Variants in ZC2HC1B observed in about 807,000 individuals in gnomAD.
ZC2HC1B encodes the protein zinc finger C2HC-type containing 1B, also known as zinc finger C2HC domain-containing protein 1B.
ZC2HC1B carries 36 observed loss-of-function variants against 31.0 expected under a neutral mutation model. That is an observed-to-expected ratio of 1.16 (90% CI 0.89 to 1.54). The LOEUF (loss-of-function observed/expected upper bound fraction) is 1.54. ZC2HC1B is among the 40% of genes most tolerant of loss of function. The pLI, the probability that ZC2HC1B is intolerant of heterozygous loss-of-function variation, is 0.00. For synonymous variants in ZC2HC1B, 73 were observed against 88.0 expected, an observed-to-expected ratio of 0.83 and a Z score of 0.95; for missense variants, 260 against 268.6, an observed-to-expected ratio of 0.97 and a Z score of 0.22.
intron 6 of ZC2HC1B, among the ~76,000 whole-genome samples, chr6:143,927,090 G>A (rs1338841874): frequency 2.0e-5 from 3 of 151,946 alleles, no homozygotes; most frequent in Non-Finnish European, 4.4e-5. Context: ...GAGCCACCGC[G>A]CCCGGCCCGA....
At chr6:143,893,528 A>ATG (rs1023148728) in intron 4 of ZC2HC1B, among the ~76,000 whole-genome samples, 6 of 151,990 alleles carry the variant, frequency 3.9e-5, no homozygotes, top group Non-Finnish European at 5.9e-5. Context: ...GATTGTGCTA[A>ATG]TGCGCTCCAG....
chr6:143,890,371 T>C (rs1777585143), intron 4 of ZC2HC1B, among the ~76,000 whole-genome samples: 1 of 147,496 alleles, frequency 6.8e-6, no homozygotes, highest in Admixed American at 6.8e-5. Flanking sequence ...AAAGTGTAAT[T>C]CCTTACATGT....
Position 143,868,318 on chromosome 6 carries a change from C to T in ZC2HC1B, c.28+3751C>T, listed in dbSNP as rs189971840. Among the ~76,000 whole-genome samples the T allele has an allele frequency of 2.0e-4, 30 of 152,232 alleles. No individual in the cohort carries two copies. In the East Asian group the frequency reaches 5.4e-3, roughly 27 times the overall value. ...GTATTAACTCACAATCACAAGGTCC[C>T]ACAATAGGCCGTCTGCAAGCTGAGG... On this transcript the variant is annotated intron_variant, in intron 1 of 7. Coordinates refer to ENST00000237275, the MANE Select transcript of ZC2HC1B (RefSeq NM_001013623.3). This position sits in a 1 kb window ranked among gnomAD's most constrained non-coding sequence, Gnocchi z 4.2.
At chr6:143,931,681 T>G (rs1276685881) in intron 6 of ZC2HC1B, among the ~76,000 whole-genome samples, 1 of 152,154 alleles carries the variant, frequency 6.6e-6, no homozygotes, top group Non-Finnish European at 1.5e-5. Context: ...TTATAGGGTT[T>G]CTGCTGAAAA....
In ZC2HC1B at chr6:143,933,627, C is replaced by T. The variant is rs190056710; in HGVS notation, c.599-4022C>T. On this transcript the variant is annotated intron_variant, in intron 6 of 7. Transcript: ENST00000237275. This position sits in a 1 kb window ranked among gnomAD's most constrained non-coding sequence, Gnocchi z 6.4. Reference sequence around the variant, plus strand: ...GTGGGCGAAAGCTGGTAGCAACAGGCCTCACCCAGCTCCCACACAGTTGGC... The same window carrying T: ...GTGGGCGAAAGCTGGTAGCAACAGGTCTCACCCAGCTCCCACACAGTTGGC... Among the ~76,000 whole-genome samples, 1 of 152,194 alleles carries T rather than the reference C, an allele frequency of 6.6e-6. No individual in the cohort carries two copies. The highest frequency in any genetic ancestry group is 1.9e-4 in the East Asian group (1 of 5,168).
In ZC2HC1B at chr6:143,903,268, G is replaced by A; in HGVS notation, c.598+116G>A. 2.3e-6 allele frequency: 2 copies of A among 886,242 alleles called. No homozygotes were observed. The highest frequency in any genetic ancestry group is 3.5e-6 in the Non-Finnish European group (2 of 565,940). The allele number at this position is 886,242 out of a possible 1,614,324, so 54.9% of individuals were successfully genotyped here. A position where few individuals can be genotyped will look rare whatever the true frequency, so the allele number is the denominator to read the frequency against. The stretch of plus-strand genomic sequence containing the variant: ...TCTAAGACATTCACTGTTGCTTTTG[G>A]ATGCAAAGATATTTGGGTTAGAGGT... On this transcript the variant is annotated intron_variant, in intron 6 of 7. Transcript: ENST00000237275. The surrounding 1 kb of genome is among the most constrained non-coding windows in gnomAD (Gnocchi z 4.3).
At position 143,885,989 on chromosome 6, in the gene ZC2HC1B, T is replaced by C; in HGVS notation, c.91-43T>C. The C allele has an allele frequency of 6.7e-7, 1 of 1,481,960 alleles. No homozygotes were observed. The highest frequency in any genetic ancestry group is 8.9e-7 in the Non-Finnish European group (1 of 1,117,394). 91.8% of individuals were successfully genotyped at this position (1,481,960 alleles called of 1,614,324 possible). On this transcript the variant is annotated intron_variant, in intron 2 of 7. Coordinates refer to ENST00000237275, the MANE Select transcript of ZC2HC1B (RefSeq NM_001013623.3). This position sits in a 1 kb window ranked among gnomAD's most constrained non-coding sequence, Gnocchi z 4.2. ...GGTACACCTAGGCATTAAAAACTGA[T>C]TGTGCACTTTAGAAATTCCAATCCC...
intron 4 of ZC2HC1B, among the ~76,000 whole-genome samples, chr6:143,894,444 A>G (rs1353606148): frequency 6.6e-6 from 1 of 152,224 alleles, no homozygotes; most frequent in Non-Finnish European, 1.5e-5. Context: ...CTGTACATGT[A>G]AAATAGGTGC....
At chr6:143,932,866 A>G (rs1343706091) in intron 6 of ZC2HC1B, among the ~76,000 whole-genome samples, 1 of 151,858 alleles carries the variant, frequency 6.6e-6, no homozygotes, top group African/African-American at 2.4e-5. Flanking sequence ...TTGATGTGGT[A>G]CCCTCCCCCT....
In ZC2HC1B at chr6:143,917,683, T is replaced by A. The variant is rs913119112; in HGVS notation, c.598+14531T>A. Among the ~76,000 whole-genome samples the A allele has an allele frequency of 3.9e-5, 6 of 152,204 alleles. No individual in the cohort carries two copies. Among genetic ancestry groups the A allele is most frequent in the Admixed American group, 3.9e-4 (6 of 15,276 alleles). ...AGCACTGACATGACATGCAATTGAT[T>A]TTTGGATTAGTGATGTTCAACCAGT... On this transcript the variant is annotated intron_variant, in intron 6 of 7. Transcript: ENST00000237275. The surrounding 1 kb of genome is among the most constrained non-coding windows in gnomAD (Gnocchi z 4.1).
rs1290238056 is a variant in ZC2HC1B at position 143,911,307 on chromosome 6, A to C, written c.598+8155A>C. Among the ~76,000 whole-genome samples, 1 of 152,216 alleles carries C rather than the reference A, an allele frequency of 6.6e-6. No individual in the cohort carries two copies. The highest frequency in any genetic ancestry group is 2.1e-4 in the South Asian group (1 of 4,834). Reference sequence around the variant, plus strand: ...AGGTTAGTATTGTTATGTGTGAATTAGATCCTGTCATCATGATGCTAGTTA... The same window carrying C: ...AGGTTAGTATTGTTATGTGTGAATTCGATCCTGTCATCATGATGCTAGTTA... On this transcript the variant is annotated intron_variant, in intron 6 of 7. Transcript: ENST00000237275. The surrounding 1 kb of genome is among the most constrained non-coding windows in gnomAD (Gnocchi z 4.5).
chr6:143,873,318 G>A (rs570377533), intron 1 of ZC2HC1B, among the ~76,000 whole-genome samples: 25 of 152,350 alleles, frequency 1.6e-4, no homozygotes, highest in Middle Eastern at 6.8e-3. Flanking sequence ...CTGTGGCTTT[G>A]CAGGGTACAG....
In ZC2HC1B at chr6:143,902,441, C is replaced by T. The variant is rs545647400; in HGVS notation, c.490-603C>T. Among the ~76,000 whole-genome samples, 71 of 152,278 alleles carry T rather than the reference C, an allele frequency of 4.7e-4. 1 individual carries two copies. The highest frequency in any genetic ancestry group is 1.7e-3 in the African/African-American group (70 of 41,566). On this transcript the variant is annotated intron_variant, in intron 5 of 7. Transcript: ENST00000237275. Reference sequence around the variant, plus strand: ...CCATTCTTGCCCAAGTGAGAATTCTCACTTGGTGTAACAGGTTATCTTTAT... The same window carrying T: ...CCATTCTTGCCCAAGTGAGAATTCTTACTTGGTGTAACAGGTTATCTTTAT...
In ZC2HC1B at chr6:143,922,668, T is replaced by A. The variant is rs964627174; in HGVS notation, c.599-14981T>A. On this transcript the variant is annotated intron_variant, in intron 6 of 7. Coordinates refer to ENST00000237275, the MANE Select transcript of ZC2HC1B (RefSeq NM_001013623.3). This position sits in a 1 kb window ranked among gnomAD's most constrained non-coding sequence, Gnocchi z 5.0. The stretch of plus-strand genomic sequence containing the variant: ...GCAAATGACAGGATATCATTCTTTT[T>A]TTGTGGCTGAATAGTATTCCACTGA... Among the ~76,000 whole-genome samples the A allele has an allele frequency of 6.6e-6, 1 of 152,244 alleles. No homozygotes were observed. The highest frequency in any genetic ancestry group is 1.5e-5 in the Non-Finnish European group (1 of 68,024).
intron 6 of ZC2HC1B, among the ~76,000 whole-genome samples, chr6:143,927,116 C>T (rs779977638): frequency 2.7e-4 from 41 of 151,808 alleles, no homozygotes; most frequent in Non-Finnish European, 4.3e-4. Context: ...ATCTTCTTAC[C>T]GAACGAATCC....
Position 143,898,647 on chromosome 6 carries a change from T to G in ZC2HC1B, c.445T>G (p.Phe149Val). 6.4e-7 allele frequency: 1 copy of G among 1,552,076 alleles called. No homozygotes were observed. Among genetic ancestry groups the G allele is most frequent in the South Asian group, 1.2e-5 (1 of 84,062 alleles). The change falls in exon 5 of 8, where the codon TTT (phenylalanine) becomes GTT (valine). Residue 149 changes from phenylalanine to valine, a missense_variant. Transcript: ENST00000237275. ...FCKDQSSRRV[F>V]NPAQTAAKLA... is the part of the protein sequence containing the mutation. ...CAAGGATCAGTCTTCTCGCCGAGTCTTTAATCCAGCTCAGACAGCAGCCAA... is the reference window on the plus strand; with the variant it reads ...CAAGGATCAGTCTTCTCGCCGAGTCGTTAATCCAGCTCAGACAGCAGCCAA...
intron 6 of ZC2HC1B, among the ~76,000 whole-genome samples, chr6:143,912,988 G>T (rs1332204475): frequency 6.6e-6 from 1 of 152,198 alleles, no homozygotes; most frequent in Admixed American, 6.5e-5. Flanking sequence ...AGTGGATCAG[G>T]GTCTTGCTTA....
intron 6 of ZC2HC1B, among the ~76,000 whole-genome samples, chr6:143,936,721 ATTGCAT>A (rs1416803537): frequency 6.6e-6 from 1 of 152,182 alleles, no homozygotes; most frequent in Non-Finnish European, 1.5e-5. Flanking sequence ...TTAGTAGTGG[ATTGCAT>A]TTGTACAGCT....
chr6:143,904,678 C>T (rs557380131), intron 6 of ZC2HC1B, among the ~76,000 whole-genome samples: 10 of 152,270 alleles, frequency 6.6e-5, no homozygotes, highest in African/African-American at 2.2e-4. Context: ...TAATCCTTGC[C>T]TAATCCAGGG....
Sources: gnomAD v4.1 joint callset for allele counts (sites outside exome capture counted in the v4.1 genomes callset) on GRCh38, gnomAD v4.1.1 for gene constraint, Gnocchi (gnomAD v3.1) non-coding constraint, MANE v1.5 for transcripts, NCBI Gene and HGNC (gene_info 2026-07-23, HGNC 2026-07-21) for gene names.